NKAIN3: variants seen among roughly 807,000 people sequenced by gnomAD.
NKAIN3 encodes sodium/potassium-transporting ATPase subunit beta-1-interacting protein 3.
A neutral mutation model predicts 30.2 loss-of-function variants in NKAIN3; 25 were observed. That is an observed-to-expected ratio of 0.83 (90% CI 0.60 to 1.16). The LOEUF (loss-of-function observed/expected upper bound fraction) is 1.16. Among genes scored for constraint, NKAIN3 ranks in the 50% most tolerant of loss-of-function variants. The pLI, the probability that NKAIN3 is intolerant of heterozygous loss-of-function variation, is 0.00. For missense variants in NKAIN3, 225 were observed against 254.1 expected, an observed-to-expected ratio of 0.89 and a Z score of 0.78; for synonymous variants, 91 against 89.6, an observed-to-expected ratio of 1.02 and a Z score of -0.09.
intron 4 of NKAIN3, 120 bp downstream of exon 4, chr8:62,747,249 A>G: frequency 1.6e-6 from 1 of 623,690 alleles, no homozygotes; most frequent in Non-Finnish European, 2.8e-6. Context: ...CAACAGAAAT[A>G]GAAGCAATTA....
intron 4 of NKAIN3, among the ~76,000 whole-genome samples, chr8:62,832,258 GACACACACACACAC>G (rs57632946): frequency 0.013 from 1,688 of 132,674 alleles, 30 homozygotes; most frequent in African/African-American, 0.044. Flanking sequence ...TGACCAAACA[GACACACACACACAC>G]ACACACACAC....
chr8:62,770,671 C>A (rs1435845273), intron 4 of NKAIN3, among the ~76,000 whole-genome samples: 3 of 151,890 alleles, frequency 2.0e-5, no homozygotes, highest in Non-Finnish European at 4.4e-5. Context: ...CAGTCCATAG[C>A]AAGGTGTTTG....
intron 1 of NKAIN3, among the ~76,000 whole-genome samples, chr8:62,325,289 C>T (rs1001654329): frequency 5.9e-5 from 9 of 152,056 alleles, no homozygotes; most frequent in African/African-American, 1.9e-4. Context: ...GCTCCATCCA[C>T]ATTGCTACAA....
At chr8:62,938,963 C>T (rs1822867452) in intron 5 of NKAIN3, among the ~76,000 whole-genome samples, 1 of 152,026 alleles carries the variant, frequency 6.6e-6, no homozygotes, top group African/African-American at 2.4e-5. Flanking sequence ...AAAGAGGCAT[C>T]AGAGAGAGGT....
At chr8:62,797,802 C>A (rs556712503) in intron 4 of NKAIN3, among the ~76,000 whole-genome samples, 1 of 152,050 alleles carries the variant, frequency 6.6e-6, no homozygotes, top group African/African-American at 2.4e-5. Context: ...AGTTAAGATA[C>A]GGTCACAGTG....
chr8:62,406,981 T>G (rs1804091223), intron 1 of NKAIN3, among the ~76,000 whole-genome samples: 1 of 152,198 alleles, frequency 6.6e-6, no homozygotes, highest in East Asian at 1.9e-4. Flanking sequence ...GCCACAATGC[T>G]GATACTGTCA....
chr8:62,441,666 A>G (rs900856235), intron 1 of NKAIN3, among the ~76,000 whole-genome samples: 1 of 151,948 alleles, frequency 6.6e-6, no homozygotes, highest in African/African-American at 2.4e-5. Flanking sequence ...ACTACATTAG[A>G]TTTGCTTTGT....
In NKAIN3 at chr8:62,968,402, T is replaced by G. The variant is rs181692469; in HGVS notation, c.*2995T>G. On this transcript the variant is annotated 3_prime_UTR_variant, in exon 7 of 7. Coordinates refer to ENST00000623646, the MANE Select transcript of NKAIN3 (RefSeq NM_001304533.3). ...GCATTGTGCGTATCCAGTAGGGTTTTCAGCAAAGACATGGTCACTACATGC... is the reference window on the plus strand; with the variant it reads ...GCATTGTGCGTATCCAGTAGGGTTTGCAGCAAAGACATGGTCACTACATGC... 8.5e-5 allele frequency among the ~76,000 whole-genome samples: 13 copies of G among 152,368 alleles called. No homozygotes were observed. The highest frequency in any genetic ancestry group is 2.9e-4 in the African/African-American group (12 of 41,588).
intron 1 of NKAIN3, among the ~76,000 whole-genome samples, chr8:62,253,146 T>A (rs2129386752): frequency 6.6e-6 from 1 of 152,312 alleles, no homozygotes; most frequent in Admixed American, 6.5e-5. Context: ...CAAGGTGAAA[T>A]TCTTATTACT....
chr8:62,596,468 C>T (rs902523456), intron 3 of NKAIN3, among the ~76,000 whole-genome samples: 71 of 152,038 alleles, frequency 4.7e-4, no homozygotes, highest in Non-Finnish European at 8.2e-4. Flanking sequence ...CTAATGGCTT[C>T]CTGATGTTTG....
rs554098685 is a variant in NKAIN3, at chr8:62,394,903, C to T, written c.54+145776C>T. Among the ~76,000 whole-genome samples the T allele has an allele frequency of 1.2e-4, 16 of 130,906 alleles. No individual in the cohort carries two copies. In the East Asian group the frequency reaches 2.9e-3, roughly 23 times the overall value. 85.9% of individuals were successfully genotyped at this position (130,906 alleles called of 152,430 possible). A position where few individuals can be genotyped will look rare whatever the true frequency, so the allele number is the denominator to read the frequency against. ...GGCGCTCATCACTTCCCCGACGGGGCGGCGGCTGGACAGAGGCGCTCATCA... is the reference window on the plus strand; with the variant it reads ...GGCGCTCATCACTTCCCCGACGGGGTGGCGGCTGGACAGAGGCGCTCATCA... On this transcript the variant is annotated intron_variant, in intron 1 of 6. Transcript: ENST00000623646.
At chr8:62,904,797 G>C (rs1247416176) in intron 4 of NKAIN3, among the ~76,000 whole-genome samples, 1 of 152,204 alleles carries the variant, frequency 6.6e-6, no homozygotes, top group Non-Finnish European at 1.5e-5. Context: ...GTTGAATTGA[G>C]AAAAAGCTCT....
At chr8:62,490,050 G>A (rs1161039502) in intron 1 of NKAIN3, among the ~76,000 whole-genome samples, 2 of 152,162 alleles carry the variant, frequency 1.3e-5, no homozygotes, top group African/African-American at 4.8e-5. Context: ...TACAGTAAAG[G>A]TAATTTATTT....
In NKAIN3 at chr8:62,646,187, C is replaced by T. The variant is rs73683359; in HGVS notation, c.273+56393C>T. ...CAGATGTTCTGCTGCCTGGACATCT[C>T]TGGTCATGTGTCTTTCCATGAAACA... On this transcript the variant is annotated intron_variant, in intron 3 of 6. Transcript: ENST00000623646. Among the ~76,000 whole-genome samples the T allele has an allele frequency of 9.4e-3, 1,416 of 150,252 alleles. 16 individuals are homozygous for T. Among genetic ancestry groups the T allele is most frequent in the African/African-American group, 0.032 (1,315 of 40,966 alleles).
chr8:62,557,298 T>C (rs550336359), intron 1 of NKAIN3, among the ~76,000 whole-genome samples: 163 of 152,292 alleles, frequency 1.1e-3, no homozygotes, highest in Non-Finnish European at 2.1e-3. Context: ...CTTTATTCAC[T>C]TGTTGGTTGA....
At chr8:62,857,100 C>T in intron 4 of NKAIN3, 1 of 429,680 alleles carries the variant, frequency 2.3e-6, no homozygotes, top group Non-Finnish European at 4.5e-6. Flanking sequence ...CTACTTCTCA[C>T]TTTGGTGTAG....
At chr8:62,253,607 TAG>T (rs1812176523) in intron 1 of NKAIN3, among the ~76,000 whole-genome samples, 1 of 152,126 alleles carries the variant, frequency 6.6e-6, no homozygotes, top group Non-Finnish European at 1.5e-5. Flanking sequence ...AATAAATAAA[TAG>T]AGAACATTCT....
At chr8:62,425,613 TCTA>T (rs1432665061) in intron 1 of NKAIN3, among the ~76,000 whole-genome samples, 1 of 151,944 alleles carries the variant, frequency 6.6e-6, no homozygotes, top group African/African-American at 2.4e-5. Context: ...AGGAATGTAT[TCTA>T]TTTTCTCTAT....
chr8:62,455,713 T>C (rs1468931403), intron 1 of NKAIN3, among the ~76,000 whole-genome samples: 1 of 152,204 alleles, frequency 6.6e-6, no homozygotes, highest in African/African-American at 2.4e-5. Flanking sequence ...TTTGAAAATG[T>C]TCAAGAAAAT....
Sources: allele counts gnomAD v4.1 joint callset (sites outside exome capture counted in the v4.1 genomes callset), GRCh38; gene constraint gnomAD v4.1.1; transcripts MANE v1.5; gene names NCBI Gene and HGNC (gene_info 2026-07-23, HGNC 2026-07-21).